The following WWOX variants were observed in gnomAD, a reference collection of about 807,000 sequenced individuals.
WWOX encodes the protein WW domain containing oxidoreductase.
Under a neutral mutation model 46.2 loss-of-function variants are expected in WWOX, and 69 were observed. The ratio of observed to expected loss-of-function variants is 1.49; its 90% CI spans 1.23 to 1.82. The LOEUF (loss-of-function observed/expected upper bound fraction) is 1.82, where lower values mean the gene tolerates loss of function less well. Ranked by LOEUF, WWOX falls within the 40% of genes most tolerant of loss-of-function variation. The pLI, the probability that WWOX is intolerant of heterozygous loss-of-function variation, is 0.00. For synonymous variants in WWOX, 359 were observed against 202.6 expected (o/e 1.77, Z -6.56); for missense variants, 919 against 542.6 (o/e 1.69, Z -6.89).
intron 5 of WWOX, among the ~76,000 whole-genome samples, chr16:78,165,824 T>C (rs1331395029): frequency 1.3e-5 from 2 of 152,236 alleles, no homozygotes; most frequent in Non-Finnish European, 2.9e-5. Context: ...ATTCAGTATA[T>C]TTGAAATGAG....
intron 8 of WWOX, among the ~76,000 whole-genome samples, chr16:78,728,361 C>T (rs1597502846): frequency 6.6e-6 from 1 of 152,214 alleles, no homozygotes; most frequent in East Asian, 1.9e-4. Flanking sequence ...GCAGGAGCCA[C>T]CACACCTGGC....
chr16:78,805,669 A>C (rs1199105592), intron 8 of WWOX, among the ~76,000 whole-genome samples: 1 of 152,212 alleles, frequency 6.6e-6, no homozygotes, highest in Non-Finnish European at 1.5e-5. Context: ...GTTAAGACTT[A>C]AACAGCTTCT....
chr16:78,589,604 G>C (rs550581636), intron 8 of WWOX, among the ~76,000 whole-genome samples: 39 of 152,342 alleles, frequency 2.6e-4, no homozygotes, highest in African/African-American at 7.2e-4. Flanking sequence ...TTACAGTAGA[G>C]AAGTGGTTGC....
chr16:78,796,385 A>G (rs1168628003), intron 8 of WWOX, among the ~76,000 whole-genome samples: 1 of 152,220 alleles, frequency 6.6e-6, no homozygotes, highest in African/African-American at 2.4e-5. Flanking sequence ...AGGAGTTATT[A>G]TAGGTCAAGC....
intron 8 of WWOX, among the ~76,000 whole-genome samples, chr16:78,565,788 A>C: frequency 6.6e-6 from 1 of 152,098 alleles, no homozygotes; most frequent in African/African-American, 2.4e-5. Context: ...GAAGTAGAGA[A>C]TATAAGCTTT....
intron 8 of WWOX, among the ~76,000 whole-genome samples, chr16:78,673,639 T>C (rs775271659): frequency 6.6e-6 from 1 of 152,142 alleles, no homozygotes; most frequent in East Asian, 1.9e-4. Context: ...AAGATAAAAA[T>C]TAGATCATAA....
chr16:78,415,218 A>G (rs1334338669), intron 6 of WWOX, among the ~76,000 whole-genome samples: 2 of 151,856 alleles, frequency 1.3e-5, no homozygotes, highest in Admixed American at 6.6e-5. Context: ...TTTAGACCAT[A>G]TAGGGTAACT....
intron 8 of WWOX, among the ~76,000 whole-genome samples, chr16:78,716,066 G>C (rs2048553503): frequency 6.6e-6 from 1 of 150,386 alleles, no homozygotes; most frequent in Admixed American, 6.6e-5. Context: ...TAAAGGAAAG[G>C]GGAAAAAAAA....
intron 8 of WWOX, among the ~76,000 whole-genome samples, chr16:78,717,710 A>T (rs963760881): frequency 1.3e-5 from 2 of 152,184 alleles, no homozygotes; most frequent in African/African-American, 4.8e-5. Context: ...TGCTTCTTTG[A>T]TACTCCAATG....
intron 8 of WWOX, among the ~76,000 whole-genome samples, chr16:79,085,666 G>A (rs1047159376): frequency 2.0e-5 from 3 of 152,212 alleles, no homozygotes; most frequent in Non-Finnish European, 2.9e-5. Flanking sequence ...TATAATAACT[G>A]TTAGTACCTA....
intron 8 of WWOX, among the ~76,000 whole-genome samples, chr16:78,571,006 T>A (rs562591071): frequency 6.6e-6 from 1 of 152,304 alleles, no homozygotes; most frequent in South Asian, 2.1e-4. Context: ...AGAGACTATG[T>A]TGCCCAGATG....
At chr16:78,623,734 CAAAAAAA>C (rs10543154) in intron 8 of WWOX, among the ~76,000 whole-genome samples, 4 of 141,858 alleles carry the variant, frequency 2.8e-5, no homozygotes, top group African/African-American at 7.8e-5. Flanking sequence ...GACTCTGTCT[CAAAAAAA>C]AAAAAAAAAA....
intron 8 of WWOX, among the ~76,000 whole-genome samples, chr16:78,535,969 A>T (rs1486628286): frequency 6.6e-6 from 1 of 152,184 alleles, no homozygotes; most frequent in Non-Finnish European, 1.5e-5. Flanking sequence ...CACCTGATAC[A>T]CACAAAGCTT....
At chr16:79,036,768 A>G (rs767825653) in intron 8 of WWOX, among the ~76,000 whole-genome samples, 17 of 152,208 alleles carry the variant, frequency 1.1e-4, no homozygotes, top group African/African-American at 3.4e-4. Flanking sequence ...CATGCTGCAT[A>G]TCTGTCATCA....
At chr16:78,440,140 G>A (rs528324830) in intron 8 of WWOX, among the ~76,000 whole-genome samples, 4 of 152,148 alleles carry the variant, frequency 2.6e-5, no homozygotes, top group Non-Finnish European at 5.9e-5. Context: ...GTTGACACAG[G>A]CACTGTTGAA....
chr16:78,884,496 G>C (rs12917998), intron 8 of WWOX, among the ~76,000 whole-genome samples: 15,814 of 152,002 alleles, frequency 0.1, 1,348 homozygotes, highest in African/African-American at 0.23. Context: ...CACACAAGAG[G>C]AGACTACTCA....
At chr16:78,643,928 C>T (rs1039453491) in intron 8 of WWOX, among the ~76,000 whole-genome samples, 6 of 151,658 alleles carry the variant, frequency 4.0e-5, no homozygotes, top group Admixed American at 6.6e-5. Context: ...AACAAACAAA[C>T]AACAAAAAAC....
rs532012706 is a variant in WWOX at position 79,136,651 on chromosome 16, G to C, written c.1057-74957G>C. 1.6e-4 allele frequency among the ~76,000 whole-genome samples: 24 copies of C among 152,312 alleles called. No individual in the cohort carries two copies. The South Asian group carries it at 5.0e-3, about 32-fold the overall frequency. ...ACTGGTGGTCAGTGCATGGATTCCA[G>C]AGACAGGGTGGGCACCAGTTCCTCA... On this transcript the variant is annotated intron_variant, in intron 8 of 8. Transcript: ENST00000566780.
intron 8 of WWOX, among the ~76,000 whole-genome samples, chr16:79,073,032 C>T (rs768618787): frequency 5.9e-5 from 9 of 152,092 alleles, no homozygotes; most frequent in Admixed American, 1.3e-4. Flanking sequence ...CATATCTAGA[C>T]GTGTGCTAGC....
Sources: gnomAD v4.1 joint callset for allele counts (sites outside exome capture counted in the v4.1 genomes callset) on GRCh38, gnomAD v4.1.1 for gene constraint, MANE v1.5 for transcripts, NCBI Gene and HGNC (gene_info 2026-07-23, HGNC 2026-07-21) for gene names.